NKAIN3: variants seen among roughly 807,000 people sequenced by gnomAD.
NKAIN3 encodes the protein sodium/potassium transporting ATPase interacting 3.
Under a neutral mutation model 30.2 loss-of-function variants are expected in NKAIN3, and 25 were observed. The observed-to-expected ratio is 0.83, with a 90% confidence interval of 0.60 to 1.16. NKAIN3 has a LOEUF of 1.16. Among genes scored for constraint, NKAIN3 ranks in the 50% most tolerant of loss-of-function variants. The pLI is 0.00. For synonymous variants in NKAIN3, 91 were observed against 89.6 expected (o/e 1.02, Z -0.09); for missense variants, 225 against 254.1 (o/e 0.89, Z 0.78).
chr8:62,566,866 A>G (rs1809769001), intron 1 of NKAIN3, among the ~76,000 whole-genome samples: 1 of 152,116 alleles, frequency 6.6e-6, no homozygotes, highest in East Asian at 1.9e-4. Context: ...GATTTTCCTT[A>G]TTATAGACAT....
intron 1 of NKAIN3, among the ~76,000 whole-genome samples, chr8:62,303,365 C>G (rs989240903): frequency 6.6e-6 from 1 of 150,412 alleles, no homozygotes; most frequent in Non-Finnish European, 1.5e-5. Flanking sequence ...CATTTCCTAT[C>G]TCATGTATTT....
At chr8:62,737,922 G>A (rs1053465141) in intron 3 of NKAIN3, among the ~76,000 whole-genome samples, 21 of 152,070 alleles carry the variant, frequency 1.4e-4, no homozygotes, top group African/African-American at 4.6e-4. Flanking sequence ...TCATTGATGG[G>A]CATTTGGGTT....
chr8:62,529,490 G>C (rs1299910947), intron 1 of NKAIN3, among the ~76,000 whole-genome samples: 1 of 152,092 alleles, frequency 6.6e-6, no homozygotes, highest in African/African-American at 2.4e-5. Context: ...GGACATGAGG[G>C]TGGAGCCCTC....
At chr8:62,805,389 T>G (rs949781391) in intron 4 of NKAIN3, among the ~76,000 whole-genome samples, 11 of 151,918 alleles carry the variant, frequency 7.2e-5, no homozygotes, top group African/African-American at 2.7e-4. Context: ...TCACACTACC[T>G]GACTTCAAAC....
At chr8:62,294,509 TC>T (rs1261144194) in intron 1 of NKAIN3, among the ~76,000 whole-genome samples, 2 of 152,180 alleles carry the variant, frequency 1.3e-5, no homozygotes, top group African/African-American at 2.4e-5. Context: ...AACACCCTGC[TC>T]CATAGAGATT....
chr8:62,535,485 G>A (rs559601348), intron 1 of NKAIN3, among the ~76,000 whole-genome samples: 2 of 152,120 alleles, frequency 1.3e-5, no homozygotes, highest in South Asian at 4.2e-4. Flanking sequence ...CCAAGTTTGA[G>A]CCTCCAGAAC....
intron 1 of NKAIN3, among the ~76,000 whole-genome samples, chr8:62,280,975 T>G (rs1488542643): frequency 6.6e-6 from 1 of 152,196 alleles, no homozygotes; most frequent in Non-Finnish European, 1.5e-5. Flanking sequence ...GTACCTCTGG[T>G]AGAATTCAGC....
At chr8:62,529,802 G>T (rs1237769642) in intron 1 of NKAIN3, among the ~76,000 whole-genome samples, 2 of 152,140 alleles carry the variant, frequency 1.3e-5, no homozygotes, top group African/African-American at 4.8e-5. Flanking sequence ...GCATTCTGGA[G>T]AGCCAAGAAG....
At chr8:62,741,358 AG>A (rs1815865895) in intron 3 of NKAIN3, among the ~76,000 whole-genome samples, 1 of 120,938 alleles carries the variant, frequency 8.3e-6, no homozygotes, top group Non-Finnish European at 1.7e-5. Context: ...AGAAAGAGAG[AG>A]AAAGAAGGAA....
chr8:62,936,890 G>A (rs1182870588), intron 5 of NKAIN3, among the ~76,000 whole-genome samples: 2 of 151,972 alleles, frequency 1.3e-5, no homozygotes, highest in African/African-American at 4.8e-5. Flanking sequence ...TTTTTAATTT[G>A]TATAGTTCAG....
At chr8:62,882,743 A>C (rs953976695) in intron 4 of NKAIN3, among the ~76,000 whole-genome samples, 7 of 152,122 alleles carry the variant, frequency 4.6e-5, no homozygotes, top group African/African-American at 1.7e-4. Flanking sequence ...ATTAATTTTT[A>C]AGGAGTGTAT....
chr8:62,587,151 A>T (rs141418433), intron 2 of NKAIN3, among the ~76,000 whole-genome samples: 52 of 152,064 alleles, frequency 3.4e-4, no homozygotes, highest in Non-Finnish European at 5.3e-4. Context: ...TTCTATGGCC[A>T]TATTTGTATC....
At chr8:62,903,392 C>T (rs1488182700) in intron 4 of NKAIN3, among the ~76,000 whole-genome samples, 1 of 152,150 alleles carries the variant, frequency 6.6e-6, no homozygotes, top group Non-Finnish European at 1.5e-5. Context: ...GAGTCACACT[C>T]TCCCCAGAGT....
At chr8:62,637,820 GA>G (rs1246650922) in intron 3 of NKAIN3, among the ~76,000 whole-genome samples, 1 of 152,078 alleles carries the variant, frequency 6.6e-6, no homozygotes, top group East Asian at 1.9e-4. Flanking sequence ...TGAGGAATAA[GA>G]ACACACAGGA....
chr8:62,546,890 G>T (rs1228422815), intron 1 of NKAIN3, among the ~76,000 whole-genome samples: 3 of 152,124 alleles, frequency 2.0e-5, no homozygotes, highest in African/African-American at 7.2e-5. Context: ...TTGAATGATG[G>T]GATTTGTGCC....
chr8:62,650,139 T>A (rs1812581683), intron 3 of NKAIN3, among the ~76,000 whole-genome samples: 2 of 152,168 alleles, frequency 1.3e-5, no homozygotes, highest in Admixed American at 1.3e-4. Context: ...GGCAGATATA[T>A]TTATTATCAG....
At chr8:62,644,813 A>G (rs34051124) in intron 3 of NKAIN3, among the ~76,000 whole-genome samples, 1,537 of 152,312 alleles carry the variant, frequency 0.01, 17 homozygotes, top group African/African-American at 0.032. Flanking sequence ...TTAAGCACAA[A>G]ACAGATGAGT....
chr8:62,803,226 A>T (rs1818137066), intron 4 of NKAIN3, among the ~76,000 whole-genome samples: 1 of 152,138 alleles, frequency 6.6e-6, no homozygotes, highest in Admixed American at 6.5e-5. Context: ...GTTAGCAAGG[A>T]TACCCAGGAA....
At chr8:62,272,459 G>T (rs965068869) in intron 1 of NKAIN3, among the ~76,000 whole-genome samples, 7 of 152,148 alleles carry the variant, frequency 4.6e-5, no homozygotes, top group Non-Finnish European at 1.0e-4. Context: ...CTCTCTCTGG[G>T]TTCTCCGACA....
Sources: gnomAD v4.1 joint callset for allele counts (sites outside exome capture counted in the v4.1 genomes callset) on GRCh38, gnomAD v4.1.1 for gene constraint, MANE v1.5 for transcripts, NCBI Gene and HGNC (gene_info 2026-07-23, HGNC 2026-07-21) for gene names.